DHX32: variants seen among roughly 807,000 people sequenced by gnomAD.
DHX32 encodes the protein DEAH-box helicase 32 (putative).
A neutral mutation model predicts 70.0 loss-of-function variants in DHX32; 51 were observed. That is an observed-to-expected ratio of 0.73 (90% CI 0.58 to 0.92). DHX32 has a LOEUF of 0.92. DHX32 is among the 40% of genes least tolerant of loss of function. The pLI is 0.00. For synonymous variants in DHX32, 310 were observed against 315.3 expected (o/e 0.98, Z 0.18); for missense variants, 762 against 891.8 (o/e 0.85, Z 1.85).
chr10:125,864,666 C>T (rs544279113), intron 2 of DHX32, among the ~76,000 whole-genome samples: 8 of 152,106 alleles, frequency 5.3e-5, no homozygotes, highest in African/African-American at 1.9e-4. Flanking sequence ...CGGTAGCTCA[C>T]GCCTGTAATA....
At chr10:125,885,916 C>A (rs910862766), upstream of DHX32, among the ~76,000 whole-genome samples, 94 of 152,336 alleles carry the variant, frequency 6.2e-4, no homozygotes, top group Non-Finnish European at 1.1e-3. Flanking sequence ...CAGTCAGAGT[C>A]ATCCTATTAA....
At chr10:125,858,605 A>G (rs766078375) in intron 3 of DHX32, among the ~76,000 whole-genome samples, 2 of 152,218 alleles carry the variant, frequency 1.3e-5, no homozygotes, top group Non-Finnish European at 2.9e-5. Context: ...AAATATGTGG[A>G]TGTTCAAGAA....
intron 3 of DHX32, among the ~76,000 whole-genome samples, chr10:125,856,422 G>A (rs1029667120): frequency 2.6e-5 from 4 of 152,094 alleles, no homozygotes; most frequent in Admixed American, 6.5e-5. Flanking sequence ...TTTGTCTTCC[G>A]GTTAAAAGAC....
At chr10:125,839,567 G>A (rs1054220813) in intron 8 of DHX32, among the ~76,000 whole-genome samples, 7 of 152,164 alleles carry the variant, frequency 4.6e-5, no homozygotes, top group Non-Finnish European at 8.8e-5. Flanking sequence ...TATGTATGTG[G>A]TCCCATTTAA....
chr10:125,853,915 C>T (rs2134046934), intron 4 of DHX32, 46 bp downstream of exon 4: 1 of 1,582,184 alleles, frequency 6.3e-7, no homozygotes, highest in East Asian at 2.2e-5. Flanking sequence ...GAAACTAGTG[C>T]TTGACAACGA....
chr10:125,874,335 T>C (rs1021987455), intron 1 of DHX32, among the ~76,000 whole-genome samples: 2 of 152,220 alleles, frequency 1.3e-5, no homozygotes, highest in African/African-American at 4.8e-5. Context: ...AGATCCATTT[T>C]CTTATTTGAG....
At chr10:125,896,190 C>A (rs1437126978) in intron 1 of DHX32, 20 of 156,884 alleles carry the variant, frequency 1.3e-4, no homozygotes, top group African/African-American at 4.1e-4. Context: ...ACCCCCGACC[C>A]CTTCCGCCGC....
upstream of DHX32, among the ~76,000 whole-genome samples, chr10:125,882,886 T>C (rs1046992326): frequency 3.9e-5 from 6 of 152,336 alleles, no homozygotes; most frequent in African/African-American, 1.4e-4. Context: ...TTTTATATTC[T>C]ATTTTTCTTT....
At chr10:125,885,797 A>G (rs1006690719), upstream of DHX32, among the ~76,000 whole-genome samples, 3 of 152,154 alleles carry the variant, frequency 2.0e-5, no homozygotes, top group African/African-American at 4.8e-5. Flanking sequence ...CATAACCTCT[A>G]CTGTGAACAC....
intron 1 of DHX32, among the ~76,000 whole-genome samples, chr10:125,895,870 T>C (rs1314120199): frequency 6.6e-6 from 1 of 152,186 alleles, no homozygotes; most frequent in African/African-American, 2.4e-5. Context: ...CCAGGCTCAC[T>C]GGGGACGACA....
intron 3 of DHX32, among the ~76,000 whole-genome samples, chr10:125,855,644 G>A (rs1380752554): frequency 6.6e-6 from 1 of 151,924 alleles, no homozygotes; most frequent in Non-Finnish European, 1.5e-5. Context: ...TAGAGACGGG[G>A]CTTCACCGTG....
At chr10:125,849,909 G>T (rs1944068367) in intron 6 of DHX32, among the ~76,000 whole-genome samples, 1 of 152,146 alleles carries the variant, frequency 6.6e-6, no homozygotes, top group South Asian at 2.1e-4. Flanking sequence ...TGATGAATTG[G>T]TTTAGGAATC....
At chr10:125,845,992 C>T (rs761647029) in intron 6 of DHX32, among the ~76,000 whole-genome samples, 18 of 152,346 alleles carry the variant, frequency 1.2e-4, no homozygotes, top group Middle Eastern at 3.4e-3. Flanking sequence ...TCACTCCCAC[C>T]GCCCAGGCCT....
chr10:125,852,227 CAG>C (rs1277100828), intron 6 of DHX32, 64 bp downstream of exon 6: 4 of 1,576,862 alleles, frequency 2.5e-6, no homozygotes, highest in Middle Eastern at 2.2e-4. Flanking sequence ...GAACTCAGGA[CAG>C]AGAATGGGCA....
intron 1 of DHX32, among the ~76,000 whole-genome samples, chr10:125,889,768 T>C (rs1331325994): frequency 3.9e-5 from 6 of 152,302 alleles, no homozygotes; most frequent in Non-Finnish European, 8.8e-5. Context: ...AATTAGCATT[T>C]ATAGAGTGAT....
chr10:125,840,228 G>A (rs1228871213), intron 8 of DHX32, among the ~76,000 whole-genome samples: 1 of 152,172 alleles, frequency 6.6e-6, no homozygotes, highest in Non-Finnish European at 1.5e-5. Flanking sequence ...GCAGCTTCCA[G>A]TTGACTTCTG....
intron 6 of DHX32, among the ~76,000 whole-genome samples, chr10:125,849,171 A>G (rs946636863): frequency 2.0e-5 from 3 of 152,238 alleles, no homozygotes; most frequent in African/African-American, 7.2e-5. Context: ...AACAGGTTCC[A>G]TTAAGTTAAA....
intron 4 of DHX32, chr10:125,853,358 G>C: frequency 1.8e-6 from 1 of 555,286 alleles, no homozygotes; most frequent in Non-Finnish European, 2.9e-6. Flanking sequence ...TCAAATGTTA[G>C]GATTTTCTGA....
chr10:125,846,487 T>A (rs1184998618), intron 6 of DHX32, among the ~76,000 whole-genome samples: 2 of 152,244 alleles, frequency 1.3e-5, no homozygotes. Flanking sequence ...CTCAGTCTGT[T>A]TTGAGTATCT....
Sources: allele counts gnomAD v4.1 joint callset (sites outside exome capture counted in the v4.1 genomes callset), GRCh38; gene constraint gnomAD v4.1.1; transcripts MANE v1.5; gene names NCBI Gene and HGNC (gene_info 2026-07-23, HGNC 2026-07-21).